The following ABCB4 variants were observed in gnomAD, a reference collection of about 807,000 sequenced individuals.
ABCB4 encodes the protein ATP binding cassette subfamily B member 4, also known as phosphatidylcholine translocator ABCB4.
A neutral mutation model predicts 145.7 loss-of-function variants in ABCB4; 76 were observed. That is an observed-to-expected ratio of 0.52 (90% CI 0.43 to 0.63). The LOEUF is 0.63. Ranked by LOEUF, ABCB4 falls within the 30% of genes least tolerant of loss-of-function variation. ABCB4 has a pLI of 0.00. For missense variants in ABCB4, 1,234 were observed against 1,553.1 expected (o/e 0.79, Z 3.45); for synonymous variants, 517 against 566.8 (o/e 0.91, Z 1.25).
chr7:87,460,199 G>A (rs1324101715), intron 4 of ABCB4, among the ~76,000 whole-genome samples: 1 of 152,200 alleles, frequency 6.6e-6, no homozygotes, highest in Non-Finnish European at 1.5e-5. Context: ...CTGTGGGGAA[G>A]GAAATGTCTT....
rs1211983234 is a variant in ABCB4, at chr7:87,409,279, C to T, written c.3038G>A (p.Arg1013Lys). The T allele has an allele frequency of 1.9e-6, 3 of 1,613,962 alleles. No homozygotes were observed. Among genetic ancestry groups the T allele is most frequent in the East Asian group, 4.5e-5 (2 of 44,880 alleles). Residue 1013 changes from arginine to lysine, a missense_variant, in exon 24 of 28, where the codon AGA becomes AAA. Arg to Lys is a conservative substitution (Grantham distance 26). Around this residue, in one of 7 missense-constraint regions of ABCB4, gnomAD observed 301 missense variants for 389.0 expected, o/e 0.77. Coordinates refer to ENST00000649586, the MANE Select transcript of ABCB4 (RefSeq NM_000443.4). ...ACTGTAGCTGTCAATCAGAGGTTGT[C>T]TTTCAAACAGCATGAATAAGTGGGC... ...SAAHLFMLFE[R>K]QPLIDSYSEE... is the part of the protein sequence containing the mutation.
At chr7:87,450,243 G>A in intron 7 of ABCB4, 151 bp from the exon 8 acceptor site, 1 of 1,108,426 alleles carries the variant, frequency 9.0e-7, no homozygotes, top group Non-Finnish European at 1.3e-6. Flanking sequence ...TGGATCCAAT[G>A]GCTGCGTCCA....
chr7:87,440,132 A>G (rs749640451), intron 13 of ABCB4, 67 bp downstream of exon 13: 51 of 1,522,974 alleles, frequency 3.3e-5, no homozygotes, highest in South Asian at 4.5e-5. Context: ...AAACCTTTGA[A>G]GAATAAACTC....
At chr7:87,398,262 A>G (rs1807612196), downstream of ABCB4, 2 of 620,546 alleles carry the variant, frequency 3.2e-6, no homozygotes, top group African/African-American at 3.6e-5. Flanking sequence ...ACGCAGTAAG[A>G]CCTAGCTTCA....
intron 16 of ABCB4, among the ~76,000 whole-genome samples, chr7:87,425,041 T>G (rs1456185375): frequency 2.1e-5 from 3 of 141,682 alleles, no homozygotes; most frequent in East Asian, 2.0e-4. Flanking sequence ...TATTTCAGGG[T>G]TTTTTTTTTT....
chr7:87,451,850 A>G (rs770843513), intron 6 of ABCB4, 56 bp from the exon 7 acceptor site: 294 of 1,546,202 alleles, frequency 1.9e-4, no homozygotes, highest in Non-Finnish European at 2.5e-4. Context: ...TAGAAAGATG[A>G]AGTAGACATC....
the ABCB4 span, chr7:87,382,234 A>G: frequency 2.7e-6 from 4 of 1,494,898 alleles, no homozygotes; most frequent in East Asian, 2.3e-5. Context: ...TTTAACAACC[A>G]TATGTAAAAA....
intron 24 of ABCB4, among the ~76,000 whole-genome samples, chr7:87,408,865 T>A (rs1808404027): frequency 6.6e-6 from 1 of 152,248 alleles, no homozygotes; most frequent in Non-Finnish European, 1.5e-5. Context: ...GTGAACGAAC[T>A]GCCCTTCTTA....
intron 14 of ABCB4, among the ~76,000 whole-genome samples, chr7:87,436,674 G>A (rs1160480907): frequency 6.6e-6 from 1 of 151,918 alleles, no homozygotes; most frequent in Non-Finnish European, 1.5e-5. Context: ...CAATGGACTA[G>A]GGAACCCACT....
intron 25 of ABCB4, 39 bp downstream of exon 25, chr7:87,407,995 TAAA>T: frequency 6.2e-7 from 1 of 1,610,460 alleles, no homozygotes; most frequent in East Asian, 2.2e-5. Flanking sequence ...TTGGGCCAAT[TAAA>T]ATATAGCCTT....
chr7:87,406,656 T>A, intron 25 of ABCB4, 162 bp from the exon 26 acceptor site: 1 of 766,132 alleles, frequency 1.3e-6, no homozygotes, highest in South Asian at 1.7e-5. Context: ...ATGGCCAACA[T>A]GATGATTTTT....
downstream of ABCB4, among the ~76,000 whole-genome samples, chr7:87,396,898 T>C (rs1477302603): frequency 6.6e-6 from 1 of 152,182 alleles, no homozygotes; most frequent in Non-Finnish European, 1.5e-5. Flanking sequence ...TTAAGTATGC[T>C]TTGAGATATT....
At chr7:87,394,725 C>T in the ABCB4 span, among the ~76,000 whole-genome samples, 5 of 151,888 alleles carry the variant, frequency 3.3e-5, no homozygotes, top group Admixed American at 1.3e-4. Context: ...AAAGGCATAC[C>T]TATAGACTCT....
intron 14 of ABCB4, among the ~76,000 whole-genome samples, chr7:87,437,479 T>G (rs1810685826): frequency 6.6e-6 from 1 of 152,256 alleles, no homozygotes; most frequent in Admixed American, 6.5e-5. Flanking sequence ...CTCAAGATAG[T>G]TTCTTACATA....
chr7:87,424,149 C>T lies in ABCB4; in HGVS notation c.2065-97G>A, dbSNP rs933251054. 43 of 1,466,930 alleles carry T rather than the reference C, an allele frequency of 2.9e-5. No homozygotes were observed. In the Admixed American group the frequency reaches 4.2e-4, roughly 14 times the overall value. 90.9% of individuals were successfully genotyped at this position (1,466,930 alleles called of 1,614,324 possible). ...GCATGGCCATTGCCCTCAAGGGACT[C>T]GCAAACTAGGTGCAGAGAATGACAA... On this transcript the variant is annotated intron_variant, in intron 16 of 27. Coordinates refer to ENST00000649586, the MANE Select transcript of ABCB4 (RefSeq NM_000443.4).
At chr7:87,404,533 A>G (rs1400514675) in intron 26 of ABCB4, among the ~76,000 whole-genome samples, 1 of 152,228 alleles carries the variant, frequency 6.6e-6, no homozygotes, top group East Asian at 1.9e-4. Flanking sequence ...ATCAAAAGTA[A>G]AACTTTTGCT....
intron 14 of ABCB4, 69 bp downstream of exon 14, chr7:87,439,598 G>A (rs772776546): frequency 3.7e-5 from 58 of 1,570,886 alleles, no homozygotes; most frequent in Middle Eastern, 1.7e-4. Flanking sequence ...CCCAGACTCC[G>A]GAAGCACTGG....
In ABCB4 at chr7:87,472,670, T is replaced by G; in HGVS notation, c.86A>C (p.Gln29Pro). ...CACTGTCTTCGTTTTTTTCCTTTTT[T>G]GTTTGCTGTAAAAAATAGAATTGCT... ...GDFELGISSKQKRKKTKTVKM... is the reference protein window; with the variant it reads ...GDFELGISSKPKRKKTKTVKM... Residue 29 changes from glutamine to proline, a missense_variant, in exon 3 of 28, where the codon CAA (glutamine) becomes CCA (proline). Gln to Pro is a moderately conservative substitution (Grantham distance 76). Around this residue, in one of 7 missense-constraint regions of ABCB4, gnomAD observed 77 missense variants for 73.3 expected, o/e 1.05. Transcript: ENST00000649586. The G allele has an allele frequency of 6.2e-7, 1 of 1,602,098 alleles. No individual in the cohort carries two copies. Among genetic ancestry groups the G allele is most frequent in the Non-Finnish European group, 8.6e-7 (1 of 1,169,238 alleles).
chr7:87,381,916 C>T, the ABCB4 span: 1 of 1,604,494 alleles, frequency 6.2e-7, no homozygotes, highest in Non-Finnish European at 8.5e-7. Context: ...TTAGCATGCT[C>T]CTTTTGATGC....
Sources: gnomAD v4.1 joint callset for allele counts (sites outside exome capture counted in the v4.1 genomes callset) on GRCh38, gnomAD v4.1.1 for gene constraint, gnomAD v4.1.1 regional missense constraint, MANE v1.5 for transcripts, NCBI Gene and HGNC (gene_info 2026-07-23, HGNC 2026-07-21) for gene names.